Variants in ANK3 observed in about 807,000 individuals in gnomAD.
The protein encoded by ANK3 is ankyrin 3.
Under a neutral mutation model 370.9 loss-of-function variants are expected in ANK3, and 57 were observed. The observed-to-expected ratio is 0.15, with a 90% CI of 0.12 to 0.19. The LOEUF (loss-of-function observed/expected upper bound fraction) is 0.19. Among genes scored for constraint, ANK3 ranks in the 10% least tolerant of loss-of-function variants. The pLI, the probability that ANK3 is intolerant of heterozygous loss-of-function variation, is 1.00. For synonymous variants in ANK3, 1,929 were observed against 1,946.3 expected (o/e 0.99, Z 0.23); for missense variants, 4,439 against 5,302.1 (o/e 0.84, Z 5.06).
chr10:60,061,374 A>G (rs2080425326), intron 40 of ANK3, among the ~76,000 whole-genome samples: 1 of 152,244 alleles, frequency 6.6e-6, no homozygotes, highest in South Asian at 2.1e-4. Flanking sequence ...TATTTTAAGG[A>G]TATTCCAATT....
In ANK3 at chr10:60,111,650, C is replaced by T. The variant is rs1034395732; in HGVS notation, c.2948+2575G>A. ...ATGACAAATGCTGATATACTACAGA[C>T]ATTGACACGATCTAACTATGGCAAA... On this transcript the variant is annotated intron_variant, in intron 26 of 43. Coordinates refer to ENST00000280772, the MANE Select transcript of ANK3 (RefSeq NM_020987.5). 21 of 432,632 alleles carry T rather than the reference C, an allele frequency of 4.9e-5. No individual in the cohort carries two copies. The East Asian group carries it at 9.9e-4, about 20-fold the overall frequency. 26.8% of individuals were successfully genotyped at this position (432,632 alleles called of 1,614,324 possible).
intron 1 of ANK3, among the ~76,000 whole-genome samples, chr10:60,335,542 CA>C (rs2052619254): frequency 6.6e-6 from 1 of 152,100 alleles, no homozygotes; most frequent in Non-Finnish European, 1.5e-5. Flanking sequence ...CCTTTACAAA[CA>C]GCTGCAGAAT....
At chr10:60,123,935 A>G (rs1391410250) in intron 25 of ANK3, among the ~76,000 whole-genome samples, 41 of 152,176 alleles carry the variant, frequency 2.7e-4, no homozygotes, top group Non-Finnish European at 1.0e-4. Flanking sequence ...GAATAAGATG[A>G]CTTGGGTTTG....
At chr10:60,045,836 T>A (rs1017627487) in intron 42 of ANK3, among the ~76,000 whole-genome samples, 1 of 152,154 alleles carries the variant, frequency 6.6e-6, no homozygotes, top group African/African-American at 2.4e-5. Flanking sequence ...TATGTCACAA[T>A]CAGTAGAAAG....
chr10:60,456,851 G>A (rs763576594), intron 2 of ANK3, among the ~76,000 whole-genome samples: 2 of 152,108 alleles, frequency 1.3e-5, no homozygotes, highest in Admixed American at 6.6e-5. Context: ...CCTGCTGCTA[G>A]GTCTGGTTAA....
At chr10:60,385,631 T>G (rs1484784079) in intron 1 of ANK3, among the ~76,000 whole-genome samples, 2 of 152,188 alleles carry the variant, frequency 1.3e-5, no homozygotes, top group Non-Finnish European at 2.9e-5. Context: ...TAACTGTATG[T>G]TTGACATCAA....
intron 8 of ANK3, among the ~76,000 whole-genome samples, chr10:60,227,903 G>A (rs549074620): frequency 2.0e-5 from 3 of 151,876 alleles, no homozygotes; most frequent in East Asian, 1.9e-4. Context: ...TTTGACTGTC[G>A]GTCATATTTT....
intron 1 of ANK3, among the ~76,000 whole-genome samples, chr10:60,335,601 G>T (rs1414489062): frequency 3.3e-5 from 5 of 152,096 alleles, no homozygotes; most frequent in Non-Finnish European, 5.9e-5. Context: ...GGCAATGAAG[G>T]CAATTTTGGA....
At chr10:60,122,702 CATA>C (rs1434124885) in intron 25 of ANK3, among the ~76,000 whole-genome samples, 11 of 152,322 alleles carry the variant, frequency 7.2e-5, no homozygotes, top group Admixed American at 7.2e-4. Flanking sequence ...ATGGAATTAT[CATA>C]ATGTCTCCTT....
chr10:60,501,735 G>C (rs28579731), intron 2 of ANK3, among the ~76,000 whole-genome samples: 2 of 146,562 alleles, frequency 1.4e-5, no homozygotes, highest in Non-Finnish European at 3.0e-5. Context: ...AAAAGAAAAA[G>C]AAATGAAAAC....
chr10:60,034,201 G>A (rs2074407773), intron 43 of ANK3, among the ~76,000 whole-genome samples: 1 of 149,284 alleles, frequency 6.7e-6, no homozygotes, highest in Admixed American at 6.7e-5. Flanking sequence ...CCACCTCCCG[G>A]GCTCCAGTGA....
intron 25 of ANK3, among the ~76,000 whole-genome samples, chr10:60,131,963 G>C (rs1011645667): frequency 6.6e-5 from 10 of 152,170 alleles, no homozygotes; most frequent in Non-Finnish European, 1.5e-4. Flanking sequence ...TACCTGGGGA[G>C]TCTCCTTTCA....
At chr10:60,316,756 T>TA (rs915418439) in intron 1 of ANK3, among the ~76,000 whole-genome samples, 14 of 152,264 alleles carry the variant, frequency 9.2e-5, no homozygotes, top group African/African-American at 2.9e-4. Flanking sequence ...TATTTTTATT[T>TA]TTTTTTATTG....
chr10:60,240,193 T>C (rs1490859953), intron 7 of ANK3, among the ~76,000 whole-genome samples: 29 of 130,676 alleles, frequency 2.2e-4, no homozygotes, highest in East Asian at 6.6e-4. Flanking sequence ...CACATATATA[T>C]ACACACACAC....
At chr10:60,176,192 A>AAAAAAAAAAAAAAAC (rs1565477936) in intron 18 of ANK3, among the ~76,000 whole-genome samples, 1 of 143,936 alleles carries the variant, frequency 6.9e-6, no homozygotes, top group Admixed American at 6.9e-5. Flanking sequence ...AAAAAAAAAA[A>AAAAAAAAAAAAAAAC]AAACAAAAAA....
intron 7 of ANK3, among the ~76,000 whole-genome samples, chr10:60,261,111 A>C (rs1032872184): frequency 1.3e-5 from 2 of 152,146 alleles, no homozygotes; most frequent in African/African-American, 4.8e-5. Context: ...ATAAATGAGG[A>C]AACTGACAGA....
intron 1 of ANK3, among the ~76,000 whole-genome samples, chr10:60,286,192 G>A (rs1244232848): frequency 6.6e-6 from 1 of 152,080 alleles, no homozygotes; most frequent in Non-Finnish European, 1.5e-5. Flanking sequence ...TTCTTGAGTG[G>A]TTCTCCTAAG....
rs908420159 is a variant in ANK3, at chr10:60,389,698, C to T, written c.-160G>A. On this transcript the variant is annotated 5_prime_UTR_variant, in exon 1 of 44. Coordinates refer to ENST00000280772, the MANE Select transcript of ANK3 (RefSeq NM_020987.5). ...TCACAATGCAAAGATGCTGGAGAAG[C>T]TGAAGCTTTTAAAAACCCAAATGAT... 42 of 1,445,054 alleles carry T rather than the reference C, an allele frequency of 2.9e-5. No homozygotes were observed. The highest frequency in any genetic ancestry group is 2.6e-5 in the Non-Finnish European group (29 of 1,105,410). 89.5% of individuals were successfully genotyped at this position (1,445,054 alleles called of 1,614,324 possible).
chr10:60,374,766 A>G (rs2060541011), intron 1 of ANK3, among the ~76,000 whole-genome samples: 1 of 152,220 alleles, frequency 6.6e-6, no homozygotes, highest in Non-Finnish European at 1.5e-5. Context: ...AAAAACAAAA[A>G]TGAAAATAAA....
Sources: allele counts gnomAD v4.1 joint callset (sites outside exome capture counted in the v4.1 genomes callset), GRCh38; gene constraint gnomAD v4.1.1; transcripts MANE v1.5; gene names NCBI Gene and HGNC (gene_info 2026-07-23, HGNC 2026-07-21).